The following FHIP2A variants were observed in gnomAD, a reference collection of about 807,000 sequenced individuals.
The protein encoded by FHIP2A is family with sequence similarity 160 member B1.
In FHIP2A, 46 loss-of-function variants were observed where a neutral mutation model predicts 93.5. The observed-to-expected ratio is 0.49, with a 90% CI of 0.39 to 0.63. The LOEUF (loss-of-function observed/expected upper bound fraction) is 0.63, where lower values mean the gene tolerates loss of function less well. Ranked by LOEUF, FHIP2A falls within the 20% of genes least tolerant of loss-of-function variation. The pLI is 0.00. For missense variants in FHIP2A, 769 were observed against 909.7 expected (o/e 0.85, Z 1.99); for synonymous variants, 332 against 326.5 (o/e 1.02, Z -0.18).
chr10:114,879,382 A>C (rs2083905501), intron 16 of FHIP2A, among the ~76,000 whole-genome samples: 1 of 148,912 alleles, frequency 6.7e-6, no homozygotes, highest in Non-Finnish European at 1.5e-5. Flanking sequence ...TCCAAAATTA[A>C]GTTAGAGAAG....
intron 16 of FHIP2A, among the ~76,000 whole-genome samples, chr10:114,872,673 T>C (rs2083865547): frequency 6.6e-6 from 1 of 152,206 alleles, no homozygotes; most frequent in Non-Finnish European, 1.5e-5. Context: ...TTTTCATTCT[T>C]GGTGTAAAAG....
At chr10:114,848,578 C>G (rs754682700) in intron 12 of FHIP2A, 69 bp from the exon 13 acceptor site, 1 of 884,148 alleles carries the variant, frequency 1.1e-6, no homozygotes, top group Non-Finnish European at 1.8e-6. Context: ...GTCTTTTTCA[C>G]TTCTACTTTT....
chr10:114,822,559 C>T (rs1338809559), intron 1 of FHIP2A, among the ~76,000 whole-genome samples: 1 of 152,224 alleles, frequency 6.6e-6, no homozygotes, highest in African/African-American at 2.4e-5. Context: ...ACAAAAGAAA[C>T]GAGCAAGCAC....
chr10:114,874,747 G>T (rs1000258794), intron 16 of FHIP2A, among the ~76,000 whole-genome samples: 1 of 151,944 alleles, frequency 6.6e-6, no homozygotes, highest in Non-Finnish European at 1.5e-5. Context: ...CAGGAGATCC[G>T]CCCGCCTCTG....
At position 114,875,771 on chromosome 10, in the gene FHIP2A, AAGAG is replaced by A. The variant is rs772438052; in HGVS notation, c.2192+14445_2192+14448del. ...AAGAAAGAGAAAGAAAGAAAGAGAA[AAGAG>A]AGAGAGAAAGAAATAGAAAGAAAAA... is the stretch of plus-strand genomic sequence containing the variant. On this transcript the variant is annotated intron_variant, in intron 16 of 16. Coordinates refer to the FHIP2A transcript ENST00000369250. Among the ~76,000 whole-genome samples, 30 of 151,374 alleles carry A rather than the reference AAGAG, an allele frequency of 2.0e-4. 1 individual carries two copies. In the South Asian group the frequency reaches 2.3e-3, roughly 12 times the overall value.
At chr10:114,872,155 T>A (rs546170210) in intron 16 of FHIP2A, among the ~76,000 whole-genome samples, 15 of 152,216 alleles carry the variant, frequency 9.9e-5, no homozygotes, top group Non-Finnish European at 1.9e-4. Flanking sequence ...CAGACTTCAC[T>A]TTTTCCCCCT....
chr10:114,893,477 C>T (rs1361759441), intron 16 of FHIP2A, among the ~76,000 whole-genome samples: 1 of 152,156 alleles, frequency 6.6e-6, no homozygotes, highest in Non-Finnish European at 1.5e-5. Flanking sequence ...GAATGCCAAC[C>T]AATCAGCAAC....
At chr10:114,860,540 C>T (rs1297721041) in intron 14 of FHIP2A, among the ~76,000 whole-genome samples, 2 of 151,956 alleles carry the variant, frequency 1.3e-5, no homozygotes, top group South Asian at 2.1e-4. Context: ...TGAGTAGAGA[C>T]GGGGTTTCTC....
At chr10:114,890,209 G>A (rs529746692) in intron 16 of FHIP2A, among the ~76,000 whole-genome samples, 1 of 152,068 alleles carries the variant, frequency 6.6e-6, no homozygotes, top group African/African-American at 2.4e-5. Flanking sequence ...TGTATTTTTA[G>A]TAGAGACGAG....
chr10:114,839,397 G>A (rs1442797100), intron 5 of FHIP2A, among the ~76,000 whole-genome samples: 1 of 152,072 alleles, frequency 6.6e-6, no homozygotes, highest in Admixed American at 6.5e-5. Context: ...AAAGTGCCAG[G>A]ATTATAGGCA....
At position 114,861,781 on chromosome 10, in the gene FHIP2A, A is replaced by G. The variant is rs2083801470; in HGVS notation, c.*241A>G. 119 of 1,149,958 alleles carry G rather than the reference A, an allele frequency of 1.0e-4. No homozygotes were observed. In the South Asian group the frequency reaches 1.4e-3, roughly 14 times the overall value. The allele number at this position is 1,149,958 out of a possible 1,614,324, so 71.2% of individuals were successfully genotyped here. Reference sequence around the variant, plus strand: ...ACAATTGCACATTGTTGAATCCAGGATACAATCAAAGGAACTTCAGGAAAT... The same window carrying G: ...ACAATTGCACATTGTTGAATCCAGGGTACAATCAAAGGAACTTCAGGAAAT... On this transcript the variant is annotated 3_prime_UTR_variant, in exon 17 of 17. Transcript: ENST00000369248.
At chr10:114,875,869 G>GAA (rs1159211580) in intron 16 of FHIP2A, among the ~76,000 whole-genome samples, 1 of 112,454 alleles carries the variant, frequency 8.9e-6, no homozygotes, top group South Asian at 2.7e-4. Flanking sequence ...AAGAAAGAAA[G>GAA]AGAAAGAAAG....
chr10:114,861,131 CTTTATTAAATA>C, intron 15 of FHIP2A, 89 bp from the exon 16 acceptor site: 3 of 1,474,238 alleles, frequency 2.0e-6, no homozygotes, highest in South Asian at 2.6e-5. Context: ...AGTTTACGTT[CTTTATTAAATA>C]GTAGGGAAGG....
At chr10:114,894,422 C>T (rs2083990649) in intron 16 of FHIP2A, among the ~76,000 whole-genome samples, 1 of 148,518 alleles carries the variant, frequency 6.7e-6, no homozygotes, top group African/African-American at 2.5e-5. Flanking sequence ...AAAAAATTAG[C>T]CAGGCGTGGT....
At chr10:114,875,839 GAA>G (rs2083883419) in intron 16 of FHIP2A, among the ~76,000 whole-genome samples, 1 of 124,274 alleles carries the variant, frequency 8.0e-6, no homozygotes, top group Non-Finnish European at 1.8e-5. Flanking sequence ...AGGTAAGAGA[GAA>G]AGAAAGAAAG....
At chr10:114,859,030 GC>G (rs914807658) in intron 14 of FHIP2A, among the ~76,000 whole-genome samples, 27 of 150,192 alleles carry the variant, frequency 1.8e-4, no homozygotes, top group Non-Finnish European at 3.4e-4. Flanking sequence ...AATACCCAAA[GC>G]CCCCAAGTAT....
intron 16 of FHIP2A, among the ~76,000 whole-genome samples, chr10:114,891,585 ATG>A (rs1459033218): frequency 8.1e-6 from 1 of 123,330 alleles, no homozygotes; most frequent in Non-Finnish European, 1.7e-5. Context: ...ACGCGTATGT[ATG>A]TGTGTGTATA....
chr10:114,861,808 A>C lies in FHIP2A; in HGVS notation c.*268A>C, dbSNP rs1044673431. On this transcript the variant is annotated 3_prime_UTR_variant, in exon 17 of 17. Transcript: ENST00000369248. ...ACAATCAAAGGAACTTCAGGAAATA[A>C]GCATTTCTAATGACTGTGAAAAGCT... The C allele has an allele frequency of 9.1e-7, 1 of 1,100,328 alleles. No homozygotes were observed. Among genetic ancestry groups the C allele is most frequent in the African/African-American group, 1.7e-5 (1 of 60,472 alleles). The allele number at this position is 1,100,328 out of a possible 1,614,324, so 68.2% of individuals were successfully genotyped here.
chr10:114,872,776 G>C (rs2083865982), intron 16 of FHIP2A, among the ~76,000 whole-genome samples: 1 of 152,152 alleles, frequency 6.6e-6, no homozygotes, highest in Non-Finnish European at 1.5e-5. Flanking sequence ...AAATGCAATG[G>C]AGTACTAGCA....
Sources: gnomAD v4.1 joint callset for allele counts (sites outside exome capture counted in the v4.1 genomes callset) on GRCh38, gnomAD v4.1.1 for gene constraint, MANE v1.5 for transcripts, NCBI Gene and HGNC (gene_info 2026-07-23, HGNC 2026-07-21) for gene names.